KAT6A: variants seen among roughly 807,000 people sequenced by gnomAD.
The protein encoded by KAT6A is lysine acetyltransferase 6A, also known as histone acetyltransferase KAT6A.
In KAT6A, 9 loss-of-function variants were observed where a neutral mutation model predicts 198.4. The ratio of observed to expected loss-of-function variants is 0.05; its 90% confidence interval spans 0.03 to 0.08. KAT6A has a LOEUF of 0.08. Ranked by LOEUF, KAT6A falls within the 10% of genes least tolerant of loss-of-function variation. KAT6A has a pLI of 1.00. For synonymous variants in KAT6A, 890 were observed against 883.0 expected (o/e 1.01, Z -0.14); for missense variants, 2,077 against 2,509.9 (o/e 0.83, Z 3.69).
At chr8:42,044,042 T>A (rs1450471945) in intron 2 of KAT6A, among the ~76,000 whole-genome samples, 3 of 152,052 alleles carry the variant, frequency 2.0e-5, no homozygotes, top group Admixed American at 2.0e-4. Context: ...AAACTCACCA[T>A]TAACTACCAC....
intron 2 of KAT6A, among the ~76,000 whole-genome samples, chr8:42,039,175 T>C (rs1827517274): frequency 6.6e-6 from 1 of 152,230 alleles, no homozygotes; most frequent in African/African-American, 2.4e-5. Context: ...ACTCCTGGTC[T>C]AATTCATTCG....
Position 41,949,208 on chromosome 8 carries a change from A to G in KAT6A, c.1740+14T>C. 6.8e-7 allele frequency: 1 copy of G among 1,474,876 alleles called. No individual in the cohort carries two copies. 91.4% of individuals were successfully genotyped at this position (1,474,876 alleles called of 1,614,324 possible). On this transcript the variant is annotated intron_variant, in intron 10 of 16. Coordinates refer to ENST00000265713, the MANE Select transcript of KAT6A (RefSeq NM_006766.5). Reference sequence around the variant, plus strand: ...GAAATGGATGAGAGGACAATTACTAAGTATCTACCTTACCTCAAAGACAGA... The same window carrying G: ...GAAATGGATGAGAGGACAATTACTAGGTATCTACCTTACCTCAAAGACAGA...
Position 41,933,978 on chromosome 8 carries a change from C to G in KAT6A, c.4242G>C (p.Glu1414Asp), listed in dbSNP as rs756092005. 4.3e-6 allele frequency: 7 copies of G among 1,614,034 alleles called. No homozygotes were observed. The Admixed American group carries it at 1.2e-4, about 27-fold the overall frequency. ...CCAGATCCAGCTCACTATGAGGAAT[C>G]TCTTCCTCCTCTTTTAATTCGATTA... ...EELIELKEEE[E>D]IPHSELDLET... The change falls in exon 17 of 17, where the codon GAG becomes GAC. Residue 1414 changes from glutamate to aspartate, a missense_variant. Transcript: ENST00000265713. This position sits in a 1 kb window ranked among gnomAD's most constrained non-coding sequence, Gnocchi z 6.2.
chr8:42,047,408 C>T (rs755503878), intron 2 of KAT6A, among the ~76,000 whole-genome samples: 1 of 152,156 alleles, frequency 6.6e-6, no homozygotes, highest in Non-Finnish European at 1.5e-5. Flanking sequence ...TCCCAACTCT[C>T]CAGAACTTTA....
chr8:42,002,494 G>A (rs1379989084), intron 2 of KAT6A, among the ~76,000 whole-genome samples: 1 of 152,128 alleles, frequency 6.6e-6, no homozygotes, highest in East Asian at 1.9e-4. Context: ...CTGGGGGGTG[G>A]AGGTTGCAGT....
Position 41,931,015 on chromosome 8 carries a change from T to C in KAT6A, c.*1190A>G, listed in dbSNP as rs532152313. 9.3e-6 allele frequency: 2 copies of C among 213,904 alleles called. No individual in the cohort carries two copies. The highest frequency in any genetic ancestry group is 1.9e-4 in the South Asian group (1 of 5,366). 13.3% of individuals were successfully genotyped at this position (213,904 alleles called of 1,614,324 possible). The stretch of plus-strand genomic sequence containing the variant: ...TAGAGGTATGTATCACTTAAATAGC[T>C]ACGAAACTCACACCGTGATCTCCCT... On this transcript the variant is annotated 3_prime_UTR_variant, in exon 17 of 17. Transcript: ENST00000265713.
At chr8:41,951,958 T>G (rs892431473) in intron 9 of KAT6A, among the ~76,000 whole-genome samples, 2 of 152,156 alleles carry the variant, frequency 1.3e-5, no homozygotes, top group African/African-American at 4.8e-5. Flanking sequence ...AAGAGAGAAG[T>G]GAGCTTCAAG....
At chr8:42,018,904 A>G (rs1826395680) in intron 2 of KAT6A, among the ~76,000 whole-genome samples, 1 of 152,204 alleles carries the variant, frequency 6.6e-6, no homozygotes, top group African/African-American at 2.4e-5. Context: ...CTGGCGACAG[A>G]GCGAGACTCT....
intron 2 of KAT6A, among the ~76,000 whole-genome samples, chr8:42,014,165 C>T (rs1022127356): frequency 6.6e-6 from 1 of 151,818 alleles, no homozygotes; most frequent in Non-Finnish European, 1.5e-5. Flanking sequence ...GAGGTGGGGG[C>T]CATAATTTGC....
intron 8 of KAT6A, among the ~76,000 whole-genome samples, chr8:41,964,106 G>T (rs1823340792): frequency 6.6e-6 from 1 of 152,068 alleles, no homozygotes; most frequent in African/African-American, 2.4e-5. Context: ...TATCTCCACA[G>T]TAATACTATA....
intron 2 of KAT6A, among the ~76,000 whole-genome samples, chr8:42,016,757 G>A (rs1826290678): frequency 1.3e-5 from 2 of 152,030 alleles, no homozygotes; most frequent in Admixed American, 1.3e-4. Context: ...GCACTTACAG[G>A]TCAAAACTTT....
chr8:41,976,896 C>A, intron 7 of KAT6A, 112 bp downstream of exon 7: 1 of 911,416 alleles, frequency 1.1e-6, no homozygotes. Flanking sequence ...TTCTTATATT[C>A]TATAACCAAT....
At chr8:41,982,061 T>C in intron 3 of KAT6A, 107 bp from the exon 4 acceptor site, 3 of 662,518 alleles carry the variant, frequency 4.5e-6, no homozygotes, top group Non-Finnish European at 8.2e-6. Flanking sequence ...ATACAAAATA[T>C]ATATCAAATA....
intron 2 of KAT6A, among the ~76,000 whole-genome samples, chr8:42,031,718 CT>C (rs1344308681): frequency 6.7e-5 from 10 of 148,204 alleles, no homozygotes; most frequent in Non-Finnish European, 3.0e-5. Context: ...CAACCTCCAC[CT>C]CCCGGGTTCA....
intron 2 of KAT6A, among the ~76,000 whole-genome samples, chr8:42,017,901 C>T (rs951632088): frequency 2.6e-5 from 4 of 152,078 alleles, no homozygotes; most frequent in Non-Finnish European, 5.9e-5. Context: ...CTGAACTCAC[C>T]GCACTTAGAA....
At position 41,946,485 on chromosome 8, in the gene KAT6A, T is replaced by C. The variant is rs1337976967; in HGVS notation, c.1996+106A>G. 7.9e-6 allele frequency: 3 copies of C among 379,340 alleles called. No individual in the cohort carries two copies. In the African/African-American group the frequency reaches 1.2e-4, roughly 15 times the overall value. The allele number at this position is 379,340 out of a possible 1,614,324, so 23.5% of individuals were successfully genotyped here. On this transcript the variant is annotated intron_variant, in intron 12 of 16. Transcript: ENST00000265713. ...CAAAGCACCTACAAATCTTTAAATA[T>C]ATATATATACACACACACACACACA...
chr8:41,995,746 A>G (rs61465627), intron 2 of KAT6A, among the ~76,000 whole-genome samples: 15,562 of 143,208 alleles, frequency 0.11, 1,038 homozygotes, highest in East Asian at 0.25. Flanking sequence ...AGGTGATCTC[A>G]GCTCACTGCA....
chr8:41,968,110 C>T (rs1246985683), intron 8 of KAT6A, among the ~76,000 whole-genome samples: 4 of 152,060 alleles, frequency 2.6e-5, no homozygotes, highest in Admixed American at 6.6e-5. Context: ...CAACAAAAGC[C>T]AAAATTGACA....
intron 2 of KAT6A, among the ~76,000 whole-genome samples, chr8:42,041,328 C>G (rs1046065342): frequency 6.6e-6 from 1 of 152,166 alleles, no homozygotes; most frequent in South Asian, 2.1e-4. Flanking sequence ...AATTCCTAAC[C>G]AGATTTACAA....
Sources: gnomAD v4.1 joint callset for allele counts (sites outside exome capture counted in the v4.1 genomes callset) on GRCh38, gnomAD v4.1.1 for gene constraint, Gnocchi (gnomAD v3.1) non-coding constraint, MANE v1.5 for transcripts, NCBI Gene and HGNC (gene_info 2026-07-23, HGNC 2026-07-21) for gene names.